ZFHX3: variants seen among roughly 807,000 people sequenced by gnomAD.
The protein encoded by ZFHX3 is zinc finger homeobox protein 3.
A neutral mutation model predicts 279.1 loss-of-function variants in ZFHX3; 42 were observed. That is an observed-to-expected ratio of 0.15 (90% CI 0.12 to 0.19). The LOEUF (loss-of-function observed/expected upper bound fraction) is 0.19, where lower values mean the gene tolerates loss of function less well. ZFHX3 is among the 10% of genes least tolerant of loss of function. The pLI, the probability that ZFHX3 is intolerant of heterozygous loss-of-function variation, is 1.00. For synonymous variants in ZFHX3, 2,293 were observed against 1,957.8 expected (o/e 1.17, Z -4.52); for missense variants, 4,981 against 4,754.0 (o/e 1.05, Z -1.40).
chr16:73,534,103 G>GGCCT (rs1454039749), intron 2 of ZFHX3, among the ~76,000 whole-genome samples: 3 of 151,984 alleles, frequency 2.0e-5, no homozygotes, highest in African/African-American at 7.3e-5. Flanking sequence ...TTCTTACAAG[G>GGCCT]GCCTGCAAGG....
rs956145931 is a variant in ZFHX3, at chr16:73,509,340, C to T, written c.-1546-53082G>A. Among the ~76,000 whole-genome samples, 5 of 152,102 alleles carry T rather than the reference C, an allele frequency of 3.3e-5. No individual in the cohort carries two copies. In the East Asian group the frequency reaches 7.8e-4, roughly 24 times the overall value. ...CTTCTTCACTATGTTTCCCTACCAA[C>T]TTCCCTTCTCCCCCTCCACCCCCTA... On this transcript the variant is annotated intron_variant, in intron 2 of 17. Coordinates refer to the ZFHX3 transcript ENST00000641206.
chr16:73,302,769 G>T (rs1377689638), intron 4 of ZFHX3, among the ~76,000 whole-genome samples: 1 of 152,200 alleles, frequency 6.6e-6, no homozygotes, highest in Non-Finnish European at 1.5e-5. Flanking sequence ...CTGAGCAGTG[G>T]CATTCAGAGG....
chr16:73,370,309 C>T (rs1449305415), intron 3 of ZFHX3, among the ~76,000 whole-genome samples: 1 of 152,238 alleles, frequency 6.6e-6, no homozygotes, highest in Non-Finnish European at 1.5e-5. Context: ...CACATGCATC[C>T]TCTCATCAAA....
chr16:73,106,400 G>C (rs1966305305), intron 7 of ZFHX3, among the ~76,000 whole-genome samples: 1 of 152,048 alleles, frequency 6.6e-6, no homozygotes, highest in Non-Finnish European at 1.5e-5. Flanking sequence ...GTTCTAGCAG[G>C]ATGAGAACCC....
intron 7 of ZFHX3, among the ~76,000 whole-genome samples, chr16:73,107,104 G>A (rs1042297886): frequency 2.0e-5 from 3 of 152,134 alleles, no homozygotes; most frequent in Admixed American, 6.6e-5. Flanking sequence ...ATCACTTGAG[G>A]TCAGGAGTTC....
At chr16:72,971,961 C>T (rs1263112496) in intron 1 of ZFHX3, among the ~76,000 whole-genome samples, 1 of 145,964 alleles carries the variant, frequency 6.9e-6, no homozygotes, top group Non-Finnish European at 1.5e-5. Context: ...TCTCAGCTCA[C>T]TGCAACCTCC....
intron 1 of ZFHX3, among the ~76,000 whole-genome samples, chr16:73,788,719 TATATATCTATATATAG>T (rs1172239525): frequency 2.6e-5 from 4 of 151,288 alleles, no homozygotes; most frequent in East Asian, 3.9e-4. Context: ...GGAAAATATA[TATATATCTATATATAG>T]ATATATCTAT....
intron 1 of ZFHX3, among the ~76,000 whole-genome samples, chr16:73,756,136 G>A (rs2053806738): frequency 6.6e-6 from 1 of 152,172 alleles, no homozygotes; most frequent in Admixed American, 6.5e-5. Context: ...AGTTACATGA[G>A]AAGGAAGAAA....
At chr16:73,555,355 A>T (rs923900218) in intron 2 of ZFHX3, among the ~76,000 whole-genome samples, 1 of 151,790 alleles carries the variant, frequency 6.6e-6, no homozygotes, top group South Asian at 2.1e-4. Flanking sequence ...GGGGTTTCAC[A>T]GTGTCAGCCA....
intron 2 of ZFHX3, among the ~76,000 whole-genome samples, chr16:73,515,986 C>A (rs1352296005): frequency 6.6e-6 from 1 of 152,152 alleles, no homozygotes; most frequent in Non-Finnish European, 1.5e-5. Flanking sequence ...TAACATGGAA[C>A]AAAGTAATCC....
At position 73,513,771 on chromosome 16, in the gene ZFHX3, G is replaced by A. The variant is rs1461693900; in HGVS notation, c.-1546-57513C>T. ...GAGGAGGTCTGAAAAAGAGACTTAC[G>A]GATGGACTTATGGGAATAAGCACAA... On this transcript the variant is annotated intron_variant, in intron 2 of 17. Transcript: ENST00000641206. Among the ~76,000 whole-genome samples the A allele has an allele frequency of 4.6e-5, 7 of 152,094 alleles. No homozygotes were observed. The South Asian group carries it at 6.2e-4, about 14-fold the overall frequency.
chr16:73,514,571 T>C (rs934759250), intron 2 of ZFHX3, among the ~76,000 whole-genome samples: 2 of 152,236 alleles, frequency 1.3e-5, no homozygotes, highest in African/African-American at 2.4e-5. Context: ...TTAGTTACTA[T>C]TGGTTAAAAA....
chr16:73,784,786 T>TTA (rs1490382620), intron 1 of ZFHX3, among the ~76,000 whole-genome samples: 4 of 133,810 alleles, frequency 3.0e-5, no homozygotes, highest in African/African-American at 1.2e-4. Context: ...TTTAACAAAA[T>TTA]AAAAAAAAAA....
At chr16:73,257,482 C>T (rs1018768427) in intron 4 of ZFHX3, among the ~76,000 whole-genome samples, 2 of 152,130 alleles carry the variant, frequency 1.3e-5, no homozygotes, top group Non-Finnish European at 1.5e-5. Flanking sequence ...TTGTTTGGAT[C>T]CCCTGTTAGA....
chr16:73,715,651 C>A (rs1246605732), intron 1 of ZFHX3, among the ~76,000 whole-genome samples: 4 of 145,524 alleles, frequency 2.7e-5, no homozygotes, highest in Non-Finnish European at 5.9e-5. Context: ...CGGCTCTCTG[C>A]AACCTCTGCC....
chr16:73,743,445 C>A (rs2053676617), intron 1 of ZFHX3, among the ~76,000 whole-genome samples: 1 of 152,168 alleles, frequency 6.6e-6, no homozygotes, highest in African/African-American at 2.4e-5. Context: ...AGGATATGAG[C>A]ATTTTCATGT....
chr16:73,391,302 A>C (rs1264419673), intron 3 of ZFHX3, among the ~76,000 whole-genome samples: 1 of 152,114 alleles, frequency 6.6e-6, no homozygotes, highest in East Asian at 1.9e-4. Flanking sequence ...GTGTCTACTA[A>C]AAATTAGCCA....
In ZFHX3 at chr16:72,959,688, C is replaced by A; in HGVS notation, c.458G>T (p.Gly153Val). The change falls in exon 2 of 10, where the codon GGC becomes GTC. Residue 153 changes from glycine (G) to valine (V), a missense_variant. Physicochemically the swap from Gly to Val is moderately radical, Grantham distance 109. This residue lies in a region of ZFHX3 where 1,068 missense variants were observed against 935.2 expected (regional missense o/e 1.14). Coordinates refer to ENST00000268489, the MANE Select transcript of ZFHX3 (RefSeq NM_006885.4). Reference sequence around the variant, plus strand: ...ACTGCCACTCCCACAGGCGCCCCCGCCCTGGGTCAGCTGGCTCAGGCTCTC... The same window carrying A: ...ACTGCCACTCCCACAGGCGCCCCCGACCTGGGTCAGCTGGCTCAGGCTCTC... ...IVESLSQLTQ[G>V]GGACGSGSGS... The A allele has an allele frequency of 6.2e-7, 1 of 1,613,954 alleles. No individual in the cohort carries two copies. The highest frequency in any genetic ancestry group is 1.3e-5 in the African/African-American group (1 of 75,072).
At chr16:73,299,553 G>C (rs942368776) in intron 4 of ZFHX3, among the ~76,000 whole-genome samples, 5 of 152,156 alleles carry the variant, frequency 3.3e-5, no homozygotes, top group African/African-American at 1.2e-4. Context: ...TATAAATCTT[G>C]ATGAGGGGCA....
Sources: gnomAD v4.1 joint callset for allele counts (sites outside exome capture counted in the v4.1 genomes callset) on GRCh38, gnomAD v4.1.1 for gene constraint, gnomAD v4.1.1 regional missense constraint, MANE v1.5 for transcripts, NCBI Gene and HGNC (gene_info 2026-07-23, HGNC 2026-07-21) for gene names.